ERBB4: variants seen among roughly 807,000 people sequenced by gnomAD.
The protein encoded by ERBB4 is erb-b2 receptor tyrosine kinase 4, also known as receptor tyrosine-protein kinase erbB-4.
In ERBB4, 42 loss-of-function variants were observed where a neutral mutation model predicts 158.0. That is an observed-to-expected ratio of 0.27 (90% CI 0.21 to 0.34). The LOEUF is 0.34. ERBB4 is among the 10% of genes least tolerant of loss of function. The probability of loss-of-function intolerance (pLI) is 1.00; values close to 1 mark genes in which losing one functional copy is unlikely to be tolerated. For missense variants in ERBB4, 1,333 were observed against 1,624.1 expected (o/e 0.82, Z 3.08); for synonymous variants, 583 against 558.7 (o/e 1.04, Z -0.61).
chr2:212,240,980 C>T (rs908676809), intron 1 of ERBB4, among the ~76,000 whole-genome samples: 2 of 151,976 alleles, frequency 1.3e-5, no homozygotes, highest in African/African-American at 4.8e-5. Context: ...AATTATCTAA[C>T]CATGGAGAAA....
At chr2:211,626,375 G>A (rs549959440) in intron 17 of ERBB4, among the ~76,000 whole-genome samples, 6 of 152,272 alleles carry the variant, frequency 3.9e-5, no homozygotes, top group East Asian at 1.9e-4. Flanking sequence ...TTTGAGGAAC[G>A]TGTACCATCT....
intron 3 of ERBB4, among the ~76,000 whole-genome samples, chr2:211,927,468 A>C (rs2080046849): frequency 6.6e-6 from 1 of 152,218 alleles, no homozygotes; most frequent in Admixed American, 6.5e-5. Flanking sequence ...CCACCAAAGC[A>C]ATGAAAAGGA....
intron 20 of ERBB4, among the ~76,000 whole-genome samples, chr2:211,529,778 T>C (rs1239884112): frequency 1.3e-5 from 2 of 152,090 alleles, no homozygotes; most frequent in Admixed American, 6.5e-5. Flanking sequence ...GCTAAAAAAG[T>C]GTTTGATAAA....
chr2:211,586,865 C>T (rs1020603645), intron 19 of ERBB4, among the ~76,000 whole-genome samples: 33 of 152,182 alleles, frequency 2.2e-4, no homozygotes, highest in African/African-American at 6.3e-4. Flanking sequence ...TTATTCTTTC[C>T]GATAATATTT....
At chr2:212,133,434 T>TTG (rs2080173046) in intron 1 of ERBB4, among the ~76,000 whole-genome samples, 1 of 150,298 alleles carries the variant, frequency 6.7e-6, no homozygotes, top group African/African-American at 2.5e-5. Context: ...TTTTTTTTTT[T>TTG]GCTATGTGAA....
At chr2:212,114,754 A>G (rs997696421) in intron 2 of ERBB4, among the ~76,000 whole-genome samples, 1 of 152,202 alleles carries the variant, frequency 6.6e-6, no homozygotes, top group Non-Finnish European at 1.5e-5. Flanking sequence ...TCTTAAAAAC[A>G]ACCAAGTGTT....
At chr2:211,497,435 G>A (rs1055639894) in intron 20 of ERBB4, among the ~76,000 whole-genome samples, 4 of 152,170 alleles carry the variant, frequency 2.6e-5, no homozygotes, top group Non-Finnish European at 2.9e-5. Flanking sequence ...ACACATGGTA[G>A]GCATTCAATA....
intron 20 of ERBB4, among the ~76,000 whole-genome samples, chr2:211,544,389 C>T (rs902904090): frequency 6.6e-6 from 1 of 151,840 alleles, no homozygotes; most frequent in Non-Finnish European, 1.5e-5. Flanking sequence ...GCATGGGTAC[C>T]ATCAATCTGA....
intron 19 of ERBB4, among the ~76,000 whole-genome samples, chr2:211,581,536 T>G (rs551393064): frequency 1.3e-5 from 2 of 152,278 alleles, no homozygotes; most frequent in African/African-American, 4.8e-5. Flanking sequence ...TTTAAAACTT[T>G]TTTTTGTTCT....
At chr2:211,875,025 C>CAAACAAAAAAAA (rs2078456231) in intron 3 of ERBB4, among the ~76,000 whole-genome samples, 1 of 27,032 alleles carries the variant, frequency 3.7e-5, no homozygotes, top group African/African-American at 1.5e-4. Flanking sequence ...AATAGAAATG[C>CAAACAAAAAAAA]AAAAAAAAAA....
intron 20 of ERBB4, among the ~76,000 whole-genome samples, chr2:211,487,556 C>T (rs1355296156): frequency 7.2e-5 from 11 of 152,008 alleles, no homozygotes; most frequent in Admixed American, 7.2e-4. Context: ...CAATTATTTT[C>T]TATTTTATTG....
intron 3 of ERBB4, among the ~76,000 whole-genome samples, chr2:211,875,466 A>G (rs2078475759): frequency 6.6e-6 from 1 of 152,222 alleles, no homozygotes; most frequent in Non-Finnish European, 1.5e-5. Context: ...AGAAGAAACA[A>G]GTACCCAAAT....
At position 212,403,166 on chromosome 2, in the gene ERBB4, C is replaced by T. The variant is rs374556657; in HGVS notation, c.82+135283G>A. ...AGTAAAACAGATCAAATAGATTTTG[C>T]GAAGGCCTTAGAAAGTTCAAAAAAA... On this transcript the variant is annotated intron_variant, in intron 1 of 27. Transcript: ENST00000342788. 1.4e-3 allele frequency among the ~76,000 whole-genome samples: 212 copies of T among 152,040 alleles called. 1 individual carries two copies. The highest frequency in any genetic ancestry group is 6.8e-3 in the Middle Eastern group (2 of 294).
At chr2:211,887,133 G>T (rs2078823096) in intron 3 of ERBB4, among the ~76,000 whole-genome samples, 1 of 151,788 alleles carries the variant, frequency 6.6e-6, no homozygotes, top group South Asian at 2.1e-4. Flanking sequence ...CCTGTAATAG[G>T]TCCACTCCCC....
chr2:211,641,375 T>C (rs1038977901), intron 16 of ERBB4, among the ~76,000 whole-genome samples: 2 of 152,112 alleles, frequency 1.3e-5, no homozygotes, highest in Admixed American at 6.6e-5. Context: ...CTTATCTTTT[T>C]ACTGACCTTT....
At chr2:211,903,655 C>CT (rs2079297771) in intron 3 of ERBB4, among the ~76,000 whole-genome samples, 3 of 151,598 alleles carry the variant, frequency 2.0e-5, no homozygotes, top group Admixed American at 2.0e-4. Flanking sequence ...AAGAGAAACC[C>CT]AACAAGAAAT....
intron 1 of ERBB4, among the ~76,000 whole-genome samples, chr2:212,363,863 T>C (rs1441622285): frequency 6.6e-6 from 1 of 151,652 alleles, no homozygotes; most frequent in Non-Finnish European, 1.5e-5. Flanking sequence ...TTATTGTCCA[T>C]GAATTCCACT....
At chr2:211,464,599 G>A (rs545289237) in intron 20 of ERBB4, among the ~76,000 whole-genome samples, 10 of 152,054 alleles carry the variant, frequency 6.6e-5, no homozygotes, top group African/African-American at 1.4e-4. Context: ...TAAAAAGTAC[G>A]TCACTAATCT....
intron 1 of ERBB4, among the ~76,000 whole-genome samples, chr2:212,189,089 G>T: frequency 7.3e-6 from 1 of 137,114 alleles, no homozygotes. Flanking sequence ...TTTTGGGGGG[G>T]GGGGTGATTT....
Sources: gnomAD v4.1 joint callset for allele counts (sites outside exome capture counted in the v4.1 genomes callset) on GRCh38, gnomAD v4.1.1 for gene constraint, MANE v1.5 for transcripts, NCBI Gene and HGNC (gene_info 2026-07-23, HGNC 2026-07-21) for gene names.